Variants in PARVA observed in about 807,000 individuals in gnomAD.
The protein encoded by PARVA is alpha-parvin.
Under a neutral mutation model 52.6 loss-of-function variants are expected in PARVA, and 25 were observed. That is an observed-to-expected ratio of 0.48 (90% CI 0.35 to 0.66). The LOEUF is 0.66. PARVA is among the 30% of genes least tolerant of loss of function. The pLI, the probability that PARVA is intolerant of heterozygous loss-of-function variation, is 0.01. For synonymous variants in PARVA, 185 were observed against 179.1 expected, an observed-to-expected ratio of 1.03 and a Z score of -0.26; for missense variants, 373 against 450.9, an observed-to-expected ratio of 0.83 and a Z score of 1.56.
Position 12,533,815 on chromosome 11 carries a change from G to T in PARVA, c.*5890G>T, listed in dbSNP as rs1055084306. Among the ~76,000 whole-genome samples, 5 of 151,892 alleles carry T rather than the reference G, an allele frequency of 3.3e-5. No homozygotes were observed. Among genetic ancestry groups the T allele is most frequent in the South Asian group, 2.1e-4 (1 of 4,798 alleles). ...GTCATCACATTGAGTAGGCGGAGGA[G>T]GAGGAGGAGGAGGAGGAGTAGGGGT... On this transcript the variant is annotated 3_prime_UTR_variant, in exon 13 of 13. Transcript: ENST00000334956.
intron 1 of PARVA, among the ~76,000 whole-genome samples, chr11:12,454,083 G>A (rs1021165763): frequency 6.6e-6 from 1 of 152,208 alleles, no homozygotes; most frequent in Non-Finnish European, 1.5e-5. Flanking sequence ...GAAAACAGGA[G>A]ACTTTGAGGG....
chr11:12,449,789 A>G (rs1241377238), intron 1 of PARVA, among the ~76,000 whole-genome samples: 1 of 152,196 alleles, frequency 6.6e-6, no homozygotes, highest in Non-Finnish European at 1.5e-5. Flanking sequence ...TAGACATTCT[A>G]CAGTGTGCAG....
chr11:12,450,864 C>T (rs1434490812), intron 1 of PARVA, among the ~76,000 whole-genome samples: 2 of 152,216 alleles, frequency 1.3e-5, no homozygotes, highest in African/African-American at 4.8e-5. Context: ...CTTCTCCTAC[C>T]TGCTTTATTC....
At chr11:12,399,035 A>C (rs1020512663) in intron 1 of PARVA, among the ~76,000 whole-genome samples, 1 of 152,224 alleles carries the variant, frequency 6.6e-6, no homozygotes, top group African/African-American at 2.4e-5. Context: ...ACTGAGGCAC[A>C]GAGAGGTTGA....
intron 4 of PARVA, chr11:12,480,205 C>T (rs1182618067): frequency 8.8e-6 from 1 of 113,016 alleles, no homozygotes; most frequent in Non-Finnish European, 1.7e-5. Context: ...GCATGGGGGA[C>T]AGAGTAAGAC....
rs183801896 is a variant in PARVA at position 12,437,165 on chromosome 11, T to A, written c.137-36580T>A. Among the ~76,000 whole-genome samples the A allele has an allele frequency of 1.7e-3, 259 of 152,268 alleles. 2 individuals are homozygous for A. The highest frequency in any genetic ancestry group is 5.8e-3 in the African/African-American group (241 of 41,524). The stretch of plus-strand genomic sequence containing the variant: ...TTGCAAAGTATCAGTCTGCAATTAT[T>A]TGGAAATAAAAAGAAAAGAAACTGG... On this transcript the variant is annotated intron_variant, in intron 1 of 12. Coordinates refer to ENST00000334956, the MANE Select transcript of PARVA (RefSeq NM_018222.5).
At chr11:12,424,411 CTTCT>C (rs1940197531) in intron 1 of PARVA, among the ~76,000 whole-genome samples, 9 of 152,138 alleles carry the variant, frequency 5.9e-5, no homozygotes, top group African/African-American at 2.2e-4. Context: ...ACATCTTATG[CTTCT>C]ACCTGTGTTT....
At chr11:12,442,400 T>G (rs1307745966) in intron 1 of PARVA, among the ~76,000 whole-genome samples, 1 of 152,136 alleles carries the variant, frequency 6.6e-6, no homozygotes, top group African/African-American at 2.4e-5. Flanking sequence ...AGGAAGAAAG[T>G]GAGACTCTAA....
rs56689985 is a variant in PARVA at position 12,533,808 on chromosome 11, C to CTGAGGAGGAGGAGGAGGAGGA, written c.*5883_*5884insTGAGGAGGAGGAGGAGGAGGA. 2.0e-5 allele frequency among the ~76,000 whole-genome samples: 3 copies of CTGAGGAGGAGGAGGAGGAGGA among 150,278 alleles called. No homozygotes were observed. Among genetic ancestry groups the CTGAGGAGGAGGAGGAGGAGGA allele is most frequent in the East Asian group, 3.9e-4 (2 of 5,086 alleles). ...CCTCATGGTCATCACATTGAGTAGGCGGAGGAGGAGGAGGAGGAGGAGGAG... is the reference window on the plus strand; with the variant it reads ...CCTCATGGTCATCACATTGAGTAGGCTGAGGAGGAGGAGGAGGAGGAGGAGGAGGAGGAGGAGGAGGAGGAG... On this transcript the variant is annotated 3_prime_UTR_variant, in exon 13 of 13. Transcript: ENST00000334956.
chr11:12,452,336 C>A (rs958226014), intron 1 of PARVA, among the ~76,000 whole-genome samples: 1 of 152,154 alleles, frequency 6.6e-6, no homozygotes, highest in Non-Finnish European at 1.5e-5. Flanking sequence ...GATGTAAATG[C>A]CCTCCTCTCC....
intron 1 of PARVA, among the ~76,000 whole-genome samples, chr11:12,410,238 T>C (rs1939974759): frequency 6.6e-6 from 1 of 152,242 alleles, no homozygotes; most frequent in South Asian, 2.1e-4. Flanking sequence ...TGCCTTGTGC[T>C]GGCCTGGGCT....
chr11:12,442,591 A>G (rs1199859057), intron 1 of PARVA, among the ~76,000 whole-genome samples: 1 of 151,986 alleles, frequency 6.6e-6, no homozygotes, highest in African/African-American at 2.4e-5. Flanking sequence ...ACAAGACAAA[A>G]AGCCCTCATT....
chr11:12,425,031 G>T (rs1940209667), intron 1 of PARVA, among the ~76,000 whole-genome samples: 1 of 152,036 alleles, frequency 6.6e-6, no homozygotes, highest in Non-Finnish European at 1.5e-5. Flanking sequence ...CTTTCAATTG[G>T]TGTTGTCCTC....
intron 4 of PARVA, among the ~76,000 whole-genome samples, chr11:12,483,535 T>G (rs1941116692): frequency 6.6e-6 from 1 of 152,200 alleles, no homozygotes; most frequent in Non-Finnish European, 1.5e-5. Flanking sequence ...CTATGGCTCC[T>G]TTCCCCCTGT....
At chr11:12,388,679 CTTCT>C (rs1399034765) in intron 1 of PARVA, among the ~76,000 whole-genome samples, 26 of 151,840 alleles carry the variant, frequency 1.7e-4, no homozygotes, top group African/African-American at 5.6e-4. Context: ...TCTTTCTATT[CTTCT>C]TTATTATAAT....
intron 1 of PARVA, among the ~76,000 whole-genome samples, chr11:12,396,697 G>A (rs761683762): frequency 6.6e-6 from 1 of 152,172 alleles, no homozygotes; most frequent in Non-Finnish European, 1.5e-5. Context: ...ACTTCCTCTT[G>A]TTCACAGTAC....
rs1589932871 is a variant in PARVA, at chr11:12,377,575, C to T, written c.-73C>T. 7 of 1,496,078 alleles carry T rather than the reference C, an allele frequency of 4.7e-6. No homozygotes were observed. Among genetic ancestry groups the T allele is most frequent in the Non-Finnish European group, 6.2e-6 (7 of 1,122,896 alleles). The allele number at this position is 1,496,078 out of a possible 1,614,324, so 92.7% of individuals were successfully genotyped here. Reference sequence around the variant, plus strand: ...CGTTTGGAAAGCCGCAGCCTCAGTCCCGCCGCCGCCCGCTGCGTCCGCCCA... The same window carrying T: ...CGTTTGGAAAGCCGCAGCCTCAGTCTCGCCGCCGCCCGCTGCGTCCGCCCA... On this transcript the variant is annotated 5_prime_UTR_variant, in exon 1 of 13. Coordinates refer to ENST00000334956, the MANE Select transcript of PARVA (RefSeq NM_018222.5).
intron 5 of PARVA, among the ~76,000 whole-genome samples, chr11:12,497,701 T>G (rs1941315115): frequency 6.6e-6 from 1 of 152,186 alleles, no homozygotes; most frequent in Non-Finnish European, 1.5e-5. Flanking sequence ...GGGGAGGCCG[T>G]GCCCTGGGCC....
In PARVA at chr11:12,377,590, G is replaced by A. The variant is rs1203003929; in HGVS notation, c.-58G>A. The A allele has an allele frequency of 3.3e-6, 5 of 1,505,666 alleles. No individual in the cohort carries two copies. Among genetic ancestry groups the A allele is most frequent in the African/African-American group, 1.5e-5 (1 of 68,340 alleles). The allele number at this position is 1,505,666 out of a possible 1,614,324, so 93.3% of individuals were successfully genotyped here. A position where few individuals can be genotyped will look rare whatever the true frequency, so the allele number is the denominator to read the frequency against. On this transcript the variant is annotated 5_prime_UTR_variant, in exon 1 of 13. Transcript: ENST00000334956. ...AGCCTCAGTCCCGCCGCCGCCCGCT[G>A]CGTCCGCCCAGCGCCAGCTCCGCGT...
Sources: gnomAD v4.1 joint callset for allele counts (sites outside exome capture counted in the v4.1 genomes callset) on GRCh38, gnomAD v4.1.1 for gene constraint, MANE v1.5 for transcripts, NCBI Gene and HGNC (gene_info 2026-07-23, HGNC 2026-07-21) for gene names.